CACNA1D: variants seen among roughly 807,000 people sequenced by gnomAD.
The protein encoded by CACNA1D is voltage-dependent L-type calcium channel subunit alpha-1D.
CACNA1D carries 55 observed loss-of-function variants against 257.1 expected under a neutral mutation model. That is an observed-to-expected ratio of 0.21 (90% CI 0.17 to 0.27). The LOEUF is 0.27. Ranked by LOEUF, CACNA1D falls within the 10% of genes least tolerant of loss-of-function variation. The pLI is 1.00. For missense variants in CACNA1D, 1,876 were observed against 2,784.0 expected, an observed-to-expected ratio of 0.67 and a Z score of 7.34; for synonymous variants, 980 against 1,014.9, an observed-to-expected ratio of 0.97 and a Z score of 0.65.
At chr3:53,638,351 A>G (rs978198199) in intron 3 of CACNA1D, among the ~76,000 whole-genome samples, 3 of 152,220 alleles carry the variant, frequency 2.0e-5, no homozygotes, top group African/African-American at 7.2e-5. Context: ...TCCGGGAAGA[A>G]TTGTGCACCT....
At chr3:53,748,865 A>T (rs1351049530) in intron 26 of CACNA1D, among the ~76,000 whole-genome samples, 2 of 152,098 alleles carry the variant, frequency 1.3e-5, no homozygotes, top group African/African-American at 4.8e-5. Flanking sequence ...TTTAGTGCAT[A>T]TCTCTGTTTG....
At position 53,751,914 on chromosome 3, in the gene CACNA1D, A is replaced by G; in HGVS notation, c.3675+7A>G. On this transcript the variant is annotated splice_region_variant and intron_variant, in intron 28 of 47. Transcript: ENST00000350061. The surrounding 1 kb of genome is among the most constrained non-coding windows in gnomAD (Gnocchi z 4.3). The stretch of plus-strand genomic sequence containing the variant: ...ACTCTGCTTGGCCATGCAGGTAAAA[A>G]TGGAGACAGCCGTGGGGATCAGGTC... The G allele has an allele frequency of 1.9e-6, 3 of 1,613,856 alleles. No individual in the cohort carries two copies. Among genetic ancestry groups the G allele is most frequent in the Non-Finnish European group, 2.5e-6 (3 of 1,179,860 alleles).
rs1352240500 is a variant in CACNA1D, at chr3:53,813,434, T to G, written c.*2028T>G. On this transcript the variant is annotated 3_prime_UTR_variant, in exon 48 of 48. Transcript: ENST00000350061. ...GAAATTATGGATATTCTTATCCTCC[T>G]GGTTCCTTCGGTGCCAATGGTAACC... 1 of 152,244 alleles carries G rather than the reference T, an allele frequency of 6.6e-6. No homozygotes were observed. Among genetic ancestry groups the G allele is most frequent in the Non-Finnish European group, 1.5e-5 (1 of 68,044 alleles). The allele number at this position is 152,244 out of a possible 1,614,324, so 9.4% of individuals were successfully genotyped here.
At position 53,501,554 on chromosome 3, in the gene CACNA1D, T is replaced by C. The variant is rs561965317; in HGVS notation, c.378-61T>C. 3.5e-6 allele frequency: 3 copies of C among 861,134 alleles called. No individual in the cohort carries two copies. In the South Asian group the frequency reaches 4.0e-5, roughly 11 times the overall value. The allele number at this position is 861,134 out of a possible 1,614,324, so 53.3% of individuals were successfully genotyped here. A position where few individuals can be genotyped will look rare whatever the true frequency, so the allele number is the denominator to read the frequency against. On this transcript the variant is annotated intron_variant, in intron 2 of 47. Coordinates refer to ENST00000350061, the MANE Select transcript of CACNA1D (RefSeq NM_001128840.3). ...GCTTTGAAAGTGGTGTGATCGGGAG[T>C]GTGATGAGGGACATGGTTTATGTTT...
In CACNA1D at chr3:53,579,473, C is replaced by T. The variant is rs545789962; in HGVS notation, c.484-71306C>T. Among the ~76,000 whole-genome samples, 159 of 152,232 alleles carry T rather than the reference C, an allele frequency of 1.0e-3. 1 individual carries two copies. Among genetic ancestry groups the T allele is most frequent in the South Asian group, 3.5e-3 (17 of 4,822 alleles). On this transcript the variant is annotated intron_variant, in intron 3 of 47. Transcript: ENST00000350061. ...CATATATGACATCTGAACCAAAAAA[C>T]CTTATCATTTAGGACATGATATCCT...
At chr3:53,616,526 G>T (rs1454051589) in intron 3 of CACNA1D, among the ~76,000 whole-genome samples, 1 of 152,188 alleles carries the variant, frequency 6.6e-6, no homozygotes, top group Non-Finnish European at 1.5e-5. Flanking sequence ...GACTTAACGA[G>T]GAGACAACTC....
intron 3 of CACNA1D, among the ~76,000 whole-genome samples, chr3:53,609,746 G>T (rs1444230622): frequency 6.6e-6 from 1 of 151,892 alleles, no homozygotes; most frequent in African/African-American, 2.4e-5. Flanking sequence ...TCTATTGTTT[G>T]CCTATTTTCA....
At chr3:53,808,428 A>T in intron 45 of CACNA1D, 1 of 551,090 alleles carries the variant, frequency 1.8e-6, no homozygotes, top group Non-Finnish European at 3.2e-6. Flanking sequence ...AAAAAAAAAA[A>T]GTAGTAAGTT....
chr3:53,546,627 G>A (rs1238977015), intron 3 of CACNA1D, among the ~76,000 whole-genome samples: 2 of 152,060 alleles, frequency 1.3e-5, no homozygotes, highest in African/African-American at 4.8e-5. Context: ...ATTTACTTTT[G>A]CCCCTTGTCT....
chr3:53,711,305 G>T (rs2094752549), intron 9 of CACNA1D, among the ~76,000 whole-genome samples: 1 of 152,198 alleles, frequency 6.6e-6, no homozygotes, highest in Non-Finnish European at 1.5e-5. Context: ...GGGGGCACTT[G>T]CCTTTGAAAG....
At chr3:53,531,383 TA>T (rs199664927) in intron 3 of CACNA1D, among the ~76,000 whole-genome samples, 2,977 of 152,084 alleles carry the variant, frequency 0.02, 97 homozygotes, top group African/African-American at 0.064. Context: ...AATAGAGACT[TA>T]AAAAAAATGA....
chr3:53,658,372 C>T lies in CACNA1D; in HGVS notation c.624-1761C>T, dbSNP rs543303574. Among the ~76,000 whole-genome samples the T allele has an allele frequency of 4.6e-5, 7 of 152,342 alleles. No individual in the cohort carries two copies. The South Asian group carries it at 8.3e-4, about 18-fold the overall frequency. On this transcript the variant is annotated intron_variant, in intron 4 of 47. Transcript: ENST00000350061. Reference sequence around the variant, plus strand: ...AACTCTTAGGAGTGGAAACCAGCCCCGGCCCCTTGCAGCCCTGCACTGTGT... The same window carrying T: ...AACTCTTAGGAGTGGAAACCAGCCCTGGCCCCTTGCAGCCCTGCACTGTGT...
intron 8 of CACNA1D, among the ~76,000 whole-genome samples, chr3:53,693,452 A>T (rs912622370): frequency 1.5e-4 from 22 of 143,658 alleles, no homozygotes; most frequent in Non-Finnish European, 2.9e-4. Context: ...AACATCACAC[A>T]TTGCTGTTAT....
chr3:53,745,241 C>CTT lies in CACNA1D; in HGVS notation c.3007-371_3007-370dup, dbSNP rs59246445. On this transcript the variant is annotated intron_variant, in intron 23 of 47. Transcript: ENST00000350061. ...CAGCACTGCACCTGTAGCATTTCTT[C>CTT]TTTTTTTTTTTTTCTTTGAAACGGA... Among the ~76,000 whole-genome samples, 352 of 144,510 alleles carry CTT rather than the reference C, an allele frequency of 2.4e-3. 3 individuals carry two copies. The highest frequency in any genetic ancestry group is 8.6e-3 in the African/African-American group (339 of 39,602). 94.8% of individuals were successfully genotyped at this position (144,510 alleles called of 152,430 possible).
intron 2 of CACNA1D, among the ~76,000 whole-genome samples, chr3:53,498,120 C>A (rs144813391): frequency 2.2e-4 from 33 of 152,090 alleles, no homozygotes; most frequent in Non-Finnish European, 5.9e-5. Flanking sequence ...GCATTTGGAA[C>A]GTGAGCATGA....
intron 3 of CACNA1D, among the ~76,000 whole-genome samples, chr3:53,555,463 T>G (rs867160071): frequency 0.19 from 21,432 of 111,310 alleles, 1,418 homozygotes; most frequent in Middle Eastern, 0.26. Flanking sequence ...TGTGTGTGTT[T>G]TTTTTTTTTT....
intron 3 of CACNA1D, among the ~76,000 whole-genome samples, chr3:53,601,001 T>C (rs1251449920): frequency 1.3e-5 from 2 of 152,150 alleles, no homozygotes; most frequent in Admixed American, 1.3e-4. Context: ...CCTCTCTAAC[T>C]CCACAGTACG....
At chr3:53,630,103 T>C (rs974149381) in intron 3 of CACNA1D, among the ~76,000 whole-genome samples, 1 of 152,190 alleles carries the variant, frequency 6.6e-6, no homozygotes, top group African/African-American at 2.4e-5. Flanking sequence ...ATAACACCTG[T>C]GAAAGATTAT....
intron 3 of CACNA1D, among the ~76,000 whole-genome samples, chr3:53,539,831 C>G (rs1402799808): frequency 6.6e-6 from 1 of 152,210 alleles, no homozygotes; most frequent in Non-Finnish European, 1.5e-5. Context: ...TGGTGTTTCT[C>G]TGATTACCAG....
Sources: allele counts gnomAD v4.1 joint callset (sites outside exome capture counted in the v4.1 genomes callset), GRCh38; gene constraint gnomAD v4.1.1; non-coding constraint Gnocchi (gnomAD v3.1); transcripts MANE v1.5; gene names NCBI Gene and HGNC (gene_info 2026-07-23, HGNC 2026-07-21).